Variants in TRHR observed in about 807,000 individuals in gnomAD.
The protein encoded by TRHR is thyrotropin-releasing hormone receptor.
A neutral mutation model predicts 28.0 loss-of-function variants in TRHR; 14 were observed. The ratio of observed to expected loss-of-function variants is 0.50; its 90% CI spans 0.33 to 0.78. The LOEUF (loss-of-function observed/expected upper bound fraction) is 0.78, where lower values mean the gene tolerates loss of function less well. Ranked by LOEUF, TRHR falls within the 30% of genes least tolerant of loss-of-function variation. The pLI is 0.02. For synonymous variants in TRHR, 176 were observed against 171.9 expected, an observed-to-expected ratio of 1.02 and a Z score of -0.18; for missense variants, 438 against 469.5, an observed-to-expected ratio of 0.93 and a Z score of 0.62.
At chr8:109,104,658 C>G (rs982513767) in intron 2 of TRHR, among the ~76,000 whole-genome samples, 5 of 152,036 alleles carry the variant, frequency 3.3e-5, no homozygotes, top group Non-Finnish European at 7.4e-5. Context: ...CCATCAGTAG[C>G]AGAGGTACAT....
chr8:109,114,435 C>G (rs1017710686), intron 2 of TRHR, among the ~76,000 whole-genome samples: 3 of 152,052 alleles, frequency 2.0e-5, no homozygotes, highest in Admixed American at 6.6e-5. Context: ...GCCTGTACCC[C>G]TTTTTGCAGC....
At chr8:109,104,550 A>G (rs1480325379) in intron 2 of TRHR, among the ~76,000 whole-genome samples, 2 of 152,094 alleles carry the variant, frequency 1.3e-5, no homozygotes, top group Non-Finnish European at 1.5e-5. Context: ...ATTTGAATGT[A>G]TTATATTTTA....
At chr8:109,114,632 C>T (rs998742795) in intron 2 of TRHR, among the ~76,000 whole-genome samples, 2 of 151,990 alleles carry the variant, frequency 1.3e-5, no homozygotes, top group African/African-American at 4.8e-5. Context: ...ACTTCTAGTC[C>T]CATGATATAC....
intron 2 of TRHR, among the ~76,000 whole-genome samples, chr8:109,108,665 G>A (rs560852144): frequency 6.6e-6 from 1 of 152,164 alleles, no homozygotes; most frequent in African/African-American, 2.4e-5. Flanking sequence ...AGAATACTTA[G>A]AAAAGGCTAA....
intron 2 of TRHR, among the ~76,000 whole-genome samples, chr8:109,107,245 C>A (rs1161485211): frequency 6.6e-6 from 1 of 152,110 alleles, no homozygotes; most frequent in Non-Finnish European, 1.5e-5. Flanking sequence ...AATACTACAC[C>A]TTTCCCCAGT....
At position 109,087,821 on chromosome 8, in the gene TRHR, C is replaced by A; in HGVS notation, c.309C>A (p.Tyr103Ter). Residue 103 changes from tyrosine (Y) to a stop codon, truncating the protein, a stop_gained, in exon 2 of 3, where the codon TAC becomes TAA. Coordinates refer to ENST00000518632, the MANE Select transcript of TRHR (RefSeq NM_003301.7). LOFTEE classifies it high-confidence loss of function. ...YGYVGCLCIT[Y>*]LQYLGINASS... ...ATGTTGGATGCCTCTGCATTACTTA[C>A]CTCCAGTATTTGGGAATTAATGCAT... 6.2e-7 allele frequency: 1 copy of A among 1,614,200 alleles called. No individual in the cohort carries two copies. The highest frequency in any genetic ancestry group is 1.1e-5 in the South Asian group (1 of 91,088).
chr8:109,101,883 A>C (rs1027213786), intron 2 of TRHR, among the ~76,000 whole-genome samples: 4 of 152,178 alleles, frequency 2.6e-5, no homozygotes, highest in Admixed American at 2.6e-4. Context: ...AAACTCTGGA[A>C]TAGCTAGAAT....
At chr8:109,095,657 A>T (rs1274540768) in intron 2 of TRHR, among the ~76,000 whole-genome samples, 13 of 152,124 alleles carry the variant, frequency 8.5e-5, no homozygotes, top group Admixed American at 8.5e-4. Context: ...ACATCTCCTG[A>T]CCCATACATA....
chr8:109,108,616 C>T (rs897342381), intron 2 of TRHR, among the ~76,000 whole-genome samples: 3 of 152,086 alleles, frequency 2.0e-5, no homozygotes, highest in African/African-American at 7.2e-5. Context: ...CAGACTTTTC[C>T]ACAGGCTTAG....
In TRHR at chr8:109,091,620, G is replaced by T. The variant is rs908261731; in HGVS notation, c.789+3319G>T. Reference sequence around the variant, plus strand: ...AGAAACATTTAAAAAGGAAGTAAAAGAGCATTTACATGTAAGGGACAAATG... The same window carrying T: ...AGAAACATTTAAAAAGGAAGTAAAATAGCATTTACATGTAAGGGACAAATG... On this transcript the variant is annotated intron_variant, in intron 2 of 2. Transcript: ENST00000518632. 5.3e-5 allele frequency among the ~76,000 whole-genome samples: 8 copies of T among 152,272 alleles called. No homozygotes were observed. In the East Asian group the frequency reaches 1.5e-3, roughly 29 times the overall value.
chr8:109,100,645 T>G (rs1811665087), intron 2 of TRHR, among the ~76,000 whole-genome samples: 1 of 152,160 alleles, frequency 6.6e-6, no homozygotes, highest in Non-Finnish European at 1.5e-5. Context: ...ACAAAGCTTA[T>G]GCTCACAAAA....
Position 109,119,130 on chromosome 8 carries a change from T to G in TRHR, c.872T>G (p.Phe291Cys). The change falls in exon 3 of 3, where the codon TTT (phenylalanine) becomes TGT (cysteine). Residue 291 changes from phenylalanine (F) to cysteine (C), a missense_variant. By Grantham distance (205) the Phe-to-Cys change is radical. Coordinates refer to ENST00000518632, the MANE Select transcript of TRHR (RefSeq NM_003301.7). ...AGGACTCTAGTGGTTGTCAACTCATTTCTCTCCAGTCCTTTCCAAGAAAAT... is the reference window on the plus strand; with the variant it reads ...AGGACTCTAGTGGTTGTCAACTCATGTCTCTCCAGTCCTTTCCAAGAAAAT... ...PYRTLVVVNSFLSSPFQENWF... is the reference protein window; with the variant it reads ...PYRTLVVVNSCLSSPFQENWF... 6.2e-7 allele frequency: 1 copy of G among 1,612,962 alleles called. No individual in the cohort carries two copies. The highest frequency in any genetic ancestry group is 8.5e-7 in the Non-Finnish European group (1 of 1,179,250).
intron 2 of TRHR, among the ~76,000 whole-genome samples, chr8:109,114,959 G>A (rs1811896405): frequency 2.6e-5 from 4 of 152,000 alleles, no homozygotes; most frequent in African/African-American, 9.7e-5. Flanking sequence ...TAGAATGGAT[G>A]GATAGATTCC....
intron 2 of TRHR, among the ~76,000 whole-genome samples, chr8:109,116,508 A>C (rs935313270): frequency 5.3e-5 from 8 of 152,002 alleles, no homozygotes; most frequent in African/African-American, 1.7e-4. Flanking sequence ...CAAGGATTCA[A>C]CTTCTTCCTG....
Position 109,087,424 on chromosome 8 carries a change from G to T in TRHR, c.-88-1G>T. 1 of 1,407,074 alleles carries T rather than the reference G, an allele frequency of 7.1e-7. No individual in the cohort carries two copies. 87.2% of individuals were successfully genotyped at this position (1,407,074 alleles called of 1,614,324 possible). ...TGAATATGTACTATGACCCTTCACA[G>T]GGGGATGGAACTGCTGCAATAAAGG... On this transcript the variant is annotated splice_acceptor_variant, in intron 1 of 2. Transcript: ENST00000518632. LOFTEE classifies it low-confidence loss of function (5UTR_SPLICE).
chr8:109,115,570 A>C (rs866133843), intron 2 of TRHR, among the ~76,000 whole-genome samples: 11 of 152,072 alleles, frequency 7.2e-5, no homozygotes, highest in African/African-American at 1.7e-4. Flanking sequence ...CTCTTTGAAG[A>C]AATTGTGAAT....
Position 109,114,796 on chromosome 8 carries a change from A to T in TRHR, c.790-4252A>T, listed in dbSNP as rs543713812. On this transcript the variant is annotated intron_variant, in intron 2 of 2. Transcript: ENST00000518632. ...TATCAAGGGTTCTCTTAGAACCAAA[A>T]CATTCCTCTGTATTAGCAGTTGTCA... Among the ~76,000 whole-genome samples, 3 of 152,158 alleles carry T rather than the reference A, an allele frequency of 2.0e-5. No individual in the cohort carries two copies. The South Asian group carries it at 6.2e-4, about 32-fold the overall frequency.
chr8:109,112,357 A>G (rs1811847421), intron 2 of TRHR, among the ~76,000 whole-genome samples: 1 of 152,168 alleles, frequency 6.6e-6, no homozygotes, highest in African/African-American at 2.4e-5. Flanking sequence ...ATGACTCCCT[A>G]GGCAAACTAA....
At chr8:109,117,797 T>C (rs748098227) in intron 2 of TRHR, among the ~76,000 whole-genome samples, 16 of 151,966 alleles carry the variant, frequency 1.1e-4, no homozygotes, top group Non-Finnish European at 1.8e-4. Context: ...CTTTGCTAAG[T>C]AGACCCTCTT....
Sources: allele counts gnomAD v4.1 joint callset (sites outside exome capture counted in the v4.1 genomes callset), GRCh38; gene constraint gnomAD v4.1.1; transcripts MANE v1.5; gene names NCBI Gene and HGNC (gene_info 2026-07-23, HGNC 2026-07-21).